Variants in CACNB3 observed in about 807,000 individuals in gnomAD.
CACNB3 encodes calcium voltage-gated channel auxiliary subunit beta 3.
A neutral mutation model predicts 63.7 loss-of-function variants in CACNB3; 36 were observed. The observed-to-expected ratio is 0.57, with a 90% CI of 0.43 to 0.75. The LOEUF (loss-of-function observed/expected upper bound fraction) is 0.75, where lower values mean the gene tolerates loss of function less well. CACNB3 is among the 30% of genes least tolerant of loss of function. The probability of loss-of-function intolerance (pLI) is 0.00; values close to 1 mark genes in which losing one functional copy is unlikely to be tolerated. For synonymous variants in CACNB3, 241 were observed against 250.6 expected (o/e 0.96, Z 0.36); for missense variants, 493 against 648.6 (o/e 0.76, Z 2.61).
In CACNB3 at chr12:48,818,812, C is replaced by T. The variant is rs1937671242; in HGVS notation, c.-118C>T. On this transcript the variant is annotated 5_prime_UTR_variant, in exon 1 of 13. Transcript: ENST00000301050. The surrounding 1 kb of genome is among the most constrained non-coding windows in gnomAD (Gnocchi z 4.3). ...CTTCGCGCTCTCTCGCTCCCTGCCG[C>T]CGCCCGCAGGGCTGCGGGGCTCGGT... is the stretch of plus-strand genomic sequence containing the variant. 2.2e-6 allele frequency: 3 copies of T among 1,368,616 alleles called. No individual in the cohort carries two copies. Among genetic ancestry groups the T allele is most frequent in the Non-Finnish European group, 9.4e-7 (1 of 1,062,190 alleles). The allele number at this position is 1,368,616 out of a possible 1,614,324, so 84.8% of individuals were successfully genotyped here.
In CACNB3 at chr12:48,823,413, A is replaced by C; in HGVS notation, c.115A>C (p.Ser39Arg). Residue 39 changes from serine (S) to arginine (R), a missense_variant, in exon 2 of 13, where the codon AGT becomes CGT. Coordinates refer to ENST00000301050, the MANE Select transcript of CACNB3 (RefSeq NM_000725.4). The surrounding 1 kb of genome is among the most constrained non-coding windows in gnomAD (Gnocchi z 4.2). The part of the protein sequence containing the change: ...SDVSLEEDRE[S>R]ARREVESQAQ... The stretch of plus-strand genomic sequence containing the variant: ...CGTCTCCCTGGAGGAGGACCGGGAG[A>C]GTGCCCGGCGTGAAGTAGAGAGCCA... The C allele has an allele frequency of 6.2e-6, 10 of 1,614,136 alleles. No individual in the cohort carries two copies. The highest frequency in any genetic ancestry group is 1.3e-5 in the African/African-American group (1 of 75,052).
chr12:48,822,956 A>G (rs1019009718), intron 1 of CACNB3, among the ~76,000 whole-genome samples: 3 of 152,174 alleles, frequency 2.0e-5, no homozygotes, highest in African/African-American at 4.8e-5. Flanking sequence ...GCAGGCTGCT[A>G]TGAACAAGAG....
Position 48,823,315 on chromosome 12 carries a change from T to C in CACNB3, c.46-29T>C. 5.6e-6 allele frequency: 9 copies of C among 1,610,254 alleles called. No homozygotes were observed. Among genetic ancestry groups the C allele is most frequent in the Non-Finnish European group, 7.6e-6 (9 of 1,178,130 alleles). On this transcript the variant is annotated intron_variant, in intron 1 of 12. Coordinates refer to ENST00000301050, the MANE Select transcript of CACNB3 (RefSeq NM_000725.4). The surrounding 1 kb of genome is among the most constrained non-coding windows in gnomAD (Gnocchi z 4.2). ...CCATGGCATCCTTCATGCCGGAGCC[T>C]GGGAGTCACAGCCTCTTTCCCAACC...
intron 3 of CACNB3, 29 bp from the exon 4 acceptor site, chr12:48,824,229 C>A (rs757617154): frequency 7.0e-5 from 110 of 1,569,698 alleles, no homozygotes; most frequent in Non-Finnish European, 1.9e-5. Flanking sequence ...GCTTCTCTCA[C>A]CACCCCTTCC....
chr12:48,821,687 C>T lies in CACNB3; in HGVS notation c.46-1657C>T, dbSNP rs1193997697. 2.0e-5 allele frequency among the ~76,000 whole-genome samples: 3 copies of T among 152,076 alleles called. No homozygotes were observed. In the East Asian group the frequency reaches 5.8e-4, roughly 29 times the overall value. ...TCTGGTTGCTTCAGACACCAACATC[C>T]CACAGAGGTTTCTCTTGTGTCCTAA... On this transcript the variant is annotated intron_variant, in intron 1 of 12. Coordinates refer to ENST00000301050, the MANE Select transcript of CACNB3 (RefSeq NM_000725.4).
rs760026958 is a variant in CACNB3 at position 48,828,818 on chromosome 12, G to C, written c.*919G>C. 2.0e-4 allele frequency: 92 copies of C among 454,782 alleles called. 1 individual carries two copies. Among genetic ancestry groups the C allele is most frequent in the Non-Finnish European group, 1.0e-4 (23 of 225,944 alleles). 28.2% of individuals were successfully genotyped at this position (454,782 alleles called of 1,614,324 possible). Reference sequence around the variant, plus strand: ...GGTTAGGGTTAGATGGGGAGAGACAGGGCACAGAGGACCTGTCTCCCCGGC... The same window carrying C: ...GGTTAGGGTTAGATGGGGAGAGACACGGCACAGAGGACCTGTCTCCCCGGC... On this transcript the variant is annotated 3_prime_UTR_variant, in exon 13 of 13. Transcript: ENST00000301050.
At chr12:48,815,741 G>T (rs574960797), upstream of CACNB3, 6 of 1,402,624 alleles carry the variant, frequency 4.3e-6, no homozygotes, top group Middle Eastern at 1.8e-4. Flanking sequence ...AACCGTGGGG[G>T]GGGTGTGGGG....
Position 48,818,779 on chromosome 12 carries a change from G to A in CACNB3, c.-151G>A. 7.4e-7 allele frequency: 1 copy of A among 1,345,138 alleles called. No homozygotes were observed. Among genetic ancestry groups the A allele is most frequent in the Non-Finnish European group, 9.5e-7 (1 of 1,050,082 alleles). 83.3% of individuals were successfully genotyped at this position (1,345,138 alleles called of 1,614,324 possible). On this transcript the variant is annotated 5_prime_UTR_variant, in exon 1 of 13. Coordinates refer to ENST00000301050, the MANE Select transcript of CACNB3 (RefSeq NM_000725.4). This position sits in a 1 kb window ranked among gnomAD's most constrained non-coding sequence, Gnocchi z 4.3. ...TCCGAGCAGCTGGTCTTCGCGGCTCGCTCCCTCCTTCGCGCTCTCTCGCTC... is the reference window on the plus strand; with the variant it reads ...TCCGAGCAGCTGGTCTTCGCGGCTCACTCCCTCCTTCGCGCTCTCTCGCTC...
rs1937663301 is a variant in CACNB3 at position 48,818,736 on chromosome 12, G to A, written c.-194G>A. 3 of 1,298,988 alleles carry A rather than the reference G, an allele frequency of 2.3e-6. No homozygotes were observed. Among genetic ancestry groups the A allele is most frequent in the Middle Eastern group, 2.9e-4 (1 of 3,410 alleles). 80.5% of individuals were successfully genotyped at this position (1,298,988 alleles called of 1,614,324 possible). ...GCTGGGTTTGGGGGGGTGGGGTGGG[G>A]GGAGCGGTGATCTGAGCTCCGAGCA... On this transcript the variant is annotated 5_prime_UTR_variant, in exon 1 of 13. Transcript: ENST00000301050. This position sits in a 1 kb window ranked among gnomAD's most constrained non-coding sequence, Gnocchi z 4.3.
chr12:48,815,466 T>C, upstream of CACNB3: 2 of 1,121,160 alleles, frequency 1.8e-6, no homozygotes, highest in Admixed American at 2.9e-5. Context: ...AGCCAGAGAC[T>C]GACAGAGGCG....
chr12:48,823,944 T>G lies in CACNB3; in HGVS notation c.291+141T>G. 1 of 1,071,866 alleles carries G rather than the reference T, an allele frequency of 9.3e-7. No individual in the cohort carries two copies. The allele number at this position is 1,071,866 out of a possible 1,614,324, so 66.4% of individuals were successfully genotyped here. On this transcript the variant is annotated intron_variant, in intron 3 of 12. Transcript: ENST00000301050. This position sits in a 1 kb window ranked among gnomAD's most constrained non-coding sequence, Gnocchi z 4.2. Reference sequence around the variant, plus strand: ...TCCTTAACACACACCTGTCCACCCCTCATATCTAAGATCTCATCCCCAGGG... The same window carrying G: ...TCCTTAACACACACCTGTCCACCCCGCATATCTAAGATCTCATCCCCAGGG...
intron 1 of CACNB3, among the ~76,000 whole-genome samples, chr12:48,819,245 T>G: frequency 6.7e-6 from 1 of 150,314 alleles, no homozygotes; most frequent in South Asian, 2.1e-4. Context: ...GAAAGAGGGG[T>G]GGGAGAAGGC....
Position 48,827,706 on chromosome 12 carries a change from G to T in CACNB3, c.1262G>T (p.Ser421Ile). 1 of 1,614,094 alleles carries T rather than the reference G, an allele frequency of 6.2e-7. No homozygotes were observed. Among genetic ancestry groups the T allele is most frequent in the East Asian group, 2.2e-5 (1 of 44,876 alleles). ...GCCTGGACAGGATCTTCACAGCGTAGCTCCCGCCACCTGGAGGAGGACTAT... is the reference window on the plus strand; with the variant it reads ...GCCTGGACAGGATCTTCACAGCGTATCTCCCGCCACCTGGAGGAGGACTAT... Reference protein sequence around the residue: ...RQAWTGSSQRSSRHLEEDYAD... With the variant: ...RQAWTGSSQRISRHLEEDYAD... Residue 421 changes from serine to isoleucine, a missense_variant, in exon 13 of 13, where the codon AGC (serine) becomes ATC (isoleucine). By Grantham distance (142) the Ser-to-Ile change is moderately radical. Coordinates refer to ENST00000301050, the MANE Select transcript of CACNB3 (RefSeq NM_000725.4).
intron 1 of CACNB3, 49 bp downstream of exon 1, chr12:48,819,023 C>A: frequency 6.4e-7 from 1 of 1,570,046 alleles, no homozygotes; most frequent in South Asian, 1.2e-5. Flanking sequence ...GGTGACACCT[C>A]CTCTCCCTTC....
chr12:48,816,971 G>A (rs1355081278), upstream of CACNB3: 1 of 985,520 alleles, frequency 1.0e-6, no homozygotes, highest in Non-Finnish European at 1.2e-6. Context: ...GAAAGAGGGG[G>A]ATACAAGGAA....
Position 48,825,601 on chromosome 12 carries a change from T to C in CACNB3, c.633-59T>C. On this transcript the variant is annotated intron_variant, in intron 8 of 12. Coordinates refer to ENST00000301050, the MANE Select transcript of CACNB3 (RefSeq NM_000725.4). This position sits in a 1 kb window ranked among gnomAD's most constrained non-coding sequence, Gnocchi z 4.5. ...AAGGGAAGAGTTAGTGGGAGCTGAG[T>C]AAGGAGAGGCTGAGGCACAGGTTTA... The C allele has an allele frequency of 6.4e-7, 1 of 1,571,786 alleles. No individual in the cohort carries two copies. The highest frequency in any genetic ancestry group is 8.8e-7 in the Non-Finnish European group (1 of 1,141,598).
At position 48,826,887 on chromosome 12, in the gene CACNB3, C is replaced by T. The variant is rs1467941202; in HGVS notation, c.990+33C>T. 1 of 1,611,956 alleles carries T rather than the reference C, an allele frequency of 6.2e-7. No homozygotes were observed. Reference sequence around the variant, plus strand: ...CCTGGGTCAGCTGCTCCTGTGCCCACTCCCCCAGGGCTGCGGCAGTGATAG... The same window carrying T: ...CCTGGGTCAGCTGCTCCTGTGCCCATTCCCCCAGGGCTGCGGCAGTGATAG... On this transcript the variant is annotated intron_variant, in intron 11 of 12. Transcript: ENST00000301050. The surrounding 1 kb of genome is among the most constrained non-coding windows in gnomAD (Gnocchi z 4.8).
At position 48,822,176 on chromosome 12, in the gene CACNB3, C is replaced by A. The variant is rs116813897; in HGVS notation, c.46-1168C>A. On this transcript the variant is annotated intron_variant, in intron 1 of 12. Transcript: ENST00000301050. ...TATCTAGGCTTATCCCTTCTCTCTG[C>A]CACTGGCATCTCAGAATTGTGGGAA... Among the ~76,000 whole-genome samples, 199 of 152,310 alleles carry A rather than the reference C, an allele frequency of 1.3e-3. 1 individual carries two copies. The highest frequency in any genetic ancestry group is 4.5e-3 in the African/African-American group (189 of 41,562).
At chr12:48,818,449 G>C, upstream of CACNB3, 16 of 988,846 alleles carry the variant, frequency 1.6e-5, no homozygotes, top group Non-Finnish European at 1.9e-5. The surrounding 1 kb of genome is among the most constrained non-coding windows in gnomAD (Gnocchi z 4.3). Flanking sequence ...ATCTCTCCTC[G>C]CCCCGCCTCC....
Sources: gnomAD v4.1 joint callset for allele counts (sites outside exome capture counted in the v4.1 genomes callset) on GRCh38, gnomAD v4.1.1 for gene constraint, Gnocchi (gnomAD v3.1) non-coding constraint, MANE v1.5 for transcripts, NCBI Gene and HGNC (gene_info 2026-07-23, HGNC 2026-07-21) for gene names.